The following NRXN3 variants were observed in gnomAD, a reference collection of about 807,000 sequenced individuals.
NRXN3 encodes the protein neurexin 3.
A neutral mutation model predicts 137.6 loss-of-function variants in NRXN3; 32 were observed. That is an observed-to-expected ratio of 0.23 (90% CI 0.18 to 0.31). The LOEUF (loss-of-function observed/expected upper bound fraction) is 0.31. Ranked by LOEUF, NRXN3 falls within the 10% of genes least tolerant of loss-of-function variation. The pLI is 1.00. For synonymous variants in NRXN3, 798 were observed against 784.5 expected, an observed-to-expected ratio of 1.02 and a Z score of -0.29; for missense variants, 1,574 against 2,062.5, an observed-to-expected ratio of 0.76 and a Z score of 4.59.
At chr14:78,329,837 A>G (rs1567277316) in intron 4 of NRXN3, among the ~76,000 whole-genome samples, 1 of 152,106 alleles carries the variant, frequency 6.6e-6, no homozygotes. Flanking sequence ...TAGGAAGCTC[A>G]TTTTTCTCAT....
chr14:78,994,491 C>T (rs952163008), intron 15 of NRXN3, among the ~76,000 whole-genome samples: 24 of 152,162 alleles, frequency 1.6e-4, no homozygotes, highest in African/African-American at 5.3e-4. Context: ...TTGCTGAGTC[C>T]TAAATGTAGG....
At chr14:79,807,561 A>G (rs1452639526) in intron 20 of NRXN3, among the ~76,000 whole-genome samples, 1 of 152,178 alleles carries the variant, frequency 6.6e-6, no homozygotes, top group African/African-American at 2.4e-5. Context: ...GAGGCCACGC[A>G]GGTATTTTCT....
chr14:79,185,025 A>C (rs997296175), intron 15 of NRXN3, among the ~76,000 whole-genome samples: 3 of 152,320 alleles, frequency 2.0e-5, no homozygotes, highest in East Asian at 1.9e-4. Flanking sequence ...ACAGAGATGC[A>C]CCTAACACAG....
chr14:78,778,764 CTT>C (rs2098756069), intron 8 of NRXN3, among the ~76,000 whole-genome samples: 4 of 31,064 alleles, frequency 1.3e-4, no homozygotes, highest in Non-Finnish European at 2.4e-4. Flanking sequence ...CTTTCTCTTT[CTT>C]TCTTTCTTTC....
intron 4 of NRXN3, among the ~76,000 whole-genome samples, chr14:78,407,043 C>A (rs578156679): frequency 2.6e-5 from 4 of 152,262 alleles, no homozygotes; most frequent in African/African-American, 9.6e-5. Flanking sequence ...GGACTGGGAT[C>A]CTTTTGAATG....
chr14:79,842,946 G>GT (rs906933242), intron 20 of NRXN3, among the ~76,000 whole-genome samples: 13 of 151,840 alleles, frequency 8.6e-5, no homozygotes, highest in African/African-American at 2.9e-4. Flanking sequence ...ATTAGACATT[G>GT]TTTTTTTAGA....
At chr14:78,973,367 T>C (rs1393921304) in intron 14 of NRXN3, among the ~76,000 whole-genome samples, 1 of 152,202 alleles carries the variant, frequency 6.6e-6, no homozygotes, top group East Asian at 1.9e-4. Context: ...GGTCATTTCC[T>C]GGAGCAGGAC....
chr14:79,315,221 T>C (rs1026831986), intron 15 of NRXN3, among the ~76,000 whole-genome samples: 1 of 152,160 alleles, frequency 6.6e-6, no homozygotes, highest in East Asian at 1.9e-4. Context: ...AAAACATACC[T>C]GGTAAAAATA....
chr14:78,340,253 C>T (rs2082001136), intron 4 of NRXN3, among the ~76,000 whole-genome samples: 1 of 152,134 alleles, frequency 6.6e-6, no homozygotes. Context: ...CTGCCTTTTC[C>T]CAAGAGGACC....
chr14:78,285,035 G>T (rs1423051905), intron 3 of NRXN3, among the ~76,000 whole-genome samples: 1 of 152,174 alleles, frequency 6.6e-6, no homozygotes, highest in Non-Finnish European at 1.5e-5. Context: ...TTTCCCAGGA[G>T]GTGTACGCCC....
At chr14:79,377,449 TC>T (rs2094336331) in intron 15 of NRXN3, among the ~76,000 whole-genome samples, 1 of 152,110 alleles carries the variant, frequency 6.6e-6, no homozygotes, top group South Asian at 2.1e-4. Context: ...CTGTTTAGGA[TC>T]CTGTATTAAA....
At chr14:79,707,924 G>A (rs1045261650) in intron 19 of NRXN3, among the ~76,000 whole-genome samples, 10 of 152,100 alleles carry the variant, frequency 6.6e-5, no homozygotes, top group East Asian at 3.9e-4. Context: ...TAAGAATTAC[G>A]TGCCCATTTC....
intron 6 of NRXN3, among the ~76,000 whole-genome samples, chr14:78,656,637 G>A (rs534420925): frequency 6.6e-6 from 1 of 152,284 alleles, no homozygotes; most frequent in East Asian, 1.9e-4. Context: ...AACATGGTCA[G>A]ATTGGCATCT....
intron 15 of NRXN3, among the ~76,000 whole-genome samples, chr14:79,046,110 A>G (rs1296249843): frequency 2.0e-5 from 3 of 152,234 alleles, no homozygotes; most frequent in Non-Finnish European, 2.9e-5. Context: ...GCTTTCACCA[A>G]CTGATCTAGG....
chr14:79,343,135 G>A (rs772469463), intron 15 of NRXN3, among the ~76,000 whole-genome samples: 1 of 152,230 alleles, frequency 6.6e-6, no homozygotes, highest in East Asian at 1.9e-4. Context: ...AATATCTCAA[G>A]TACTGATCTT....
intron 8 of NRXN3, among the ~76,000 whole-genome samples, chr14:78,768,973 C>G (rs991060062): frequency 6.6e-6 from 1 of 152,144 alleles, no homozygotes; most frequent in Non-Finnish European, 1.5e-5. Flanking sequence ...GTAATTGACT[C>G]AATCTCCTCC....
At chr14:79,167,398 T>C (rs1361286028) in intron 15 of NRXN3, among the ~76,000 whole-genome samples, 1 of 151,944 alleles carries the variant, frequency 6.6e-6, no homozygotes, top group Non-Finnish European at 1.5e-5. Flanking sequence ...TTATACTCTA[T>C]GTGTCTTCTC....
At chr14:78,502,470 G>A (rs774010217) in intron 4 of NRXN3, among the ~76,000 whole-genome samples, 1 of 152,194 alleles carries the variant, frequency 6.6e-6, no homozygotes, top group Non-Finnish European at 1.5e-5. Context: ...GCTGCAGGCT[G>A]AGCATGCTGG....
At chr14:78,930,792 G>A (rs2152865174) in intron 10 of NRXN3, among the ~76,000 whole-genome samples, 1 of 152,302 alleles carries the variant, frequency 6.6e-6, no homozygotes, top group East Asian at 1.9e-4. Flanking sequence ...GTGGTGACAG[G>A]TGGAAAGGTG....
Sources: gnomAD v4.1 joint callset for allele counts (sites outside exome capture counted in the v4.1 genomes callset) on GRCh38, gnomAD v4.1.1 for gene constraint, MANE v1.5 for transcripts, NCBI Gene and HGNC (gene_info 2026-07-23, HGNC 2026-07-21) for gene names.